NOTCH1: variants seen among roughly 807,000 people sequenced by gnomAD.
NOTCH1 encodes neurogenic locus notch homolog protein 1.
NOTCH1 carries 37 observed loss-of-function variants against 254.8 expected under a neutral mutation model. That is an observed-to-expected ratio of 0.15 (90% confidence interval 0.11 to 0.19). The LOEUF is 0.19. NOTCH1 is among the 10% of genes least tolerant of loss of function. The pLI, the probability that NOTCH1 is intolerant of heterozygous loss-of-function variation, is 1.00. For synonymous variants in NOTCH1, 1,731 were observed against 1,618.1 expected (o/e 1.07, Z -1.68); for missense variants, 2,972 against 3,708.6 (o/e 0.80, Z 5.16).
At chr9:136,520,921 C>G (rs945514552) in intron 4 of NOTCH1, among the ~76,000 whole-genome samples, 1 of 152,170 alleles carries the variant, frequency 6.6e-6, no homozygotes, top group Non-Finnish European at 1.5e-5. Context: ...CCCCGTGGAC[C>G]CCAGCTGGAC....
chr9:136,497,055 G>C lies in NOTCH1; in HGVS notation c.6684C>G (p.Ser2228=), dbSNP rs369358839. ...LLPSPFQQSP[S]VPLNHLPGMP... is the part of the protein sequence containing the mutation. ...TCCCAGGCAGGTGGTTGAGGGGCAC[G>C]GACGGAGACTGCTGGAACGGGGAGG... Residue 2228 remains serine, a synonymous_variant, in exon 34 of 34, where the codon TCC becomes TCG. Transcript: ENST00000651671. The C allele has an allele frequency of 6.2e-7, 1 of 1,609,388 alleles. No homozygotes were observed. Among genetic ancestry groups the C allele is most frequent in the African/African-American group, 1.3e-5 (1 of 74,980 alleles).
At chr9:136,542,544 C>CA (rs1174860714) in intron 2 of NOTCH1, among the ~76,000 whole-genome samples, 4,705 of 52,430 alleles carry the variant, frequency 0.09, 373 homozygotes, top group African/African-American at 0.24. Context: ...CCCCAAAAAG[C>CA]AAAAAAAAAA....
intron 15 of NOTCH1, among the ~76,000 whole-genome samples, chr9:136,512,058 A>G (rs1167589421): frequency 1.3e-5 from 2 of 152,194 alleles, no homozygotes; most frequent in African/African-American, 4.8e-5. Context: ...GGCAGGCAGG[A>G]ACTGCGCCAG....
chr9:136,515,959 G>C (rs558593808), intron 10 of NOTCH1, 22 bp downstream of exon 10: 3 of 1,583,046 alleles, frequency 1.9e-6, no homozygotes, highest in Non-Finnish European at 2.6e-6. Context: ...GTCCCTCCCC[G>C]CTGGTGGGCG....
intron 2 of NOTCH1, among the ~76,000 whole-genome samples, chr9:136,527,088 G>A (rs2133383988): frequency 6.6e-6 from 1 of 152,350 alleles, no homozygotes; most frequent in South Asian, 2.1e-4. Context: ...CCAGGTGTGG[G>A]GGTCTGTGTG....
chr9:136,515,905 G>T, intron 10 of NOTCH1, 76 bp downstream of exon 10: 2 of 1,298,476 alleles, frequency 1.5e-6, no homozygotes, highest in South Asian at 2.5e-5. Context: ...AGGTGTCCAT[G>T]ACCTTGTCAG....
Position 136,519,439 on chromosome 9 carries a change from G to A in NOTCH1, c.865+4C>T, listed in dbSNP as rs527248111. 20 of 1,612,742 alleles carry A rather than the reference G, an allele frequency of 1.2e-5. No homozygotes were observed. Among genetic ancestry groups the A allele is most frequent in the African/African-American group, 2.7e-5 (2 of 75,070 alleles). The stretch of plus-strand genomic sequence containing the variant: ...CCCCGCCCTGCGGCGACCCGTATAC[G>A]CGCCTGTCCACTCTGGCGGGCAGCG... On this transcript the variant is annotated splice_donor_region_variant and intron_variant, in intron 5 of 33. Coordinates refer to ENST00000651671, the MANE Select transcript of NOTCH1 (RefSeq NM_017617.5).
intron 1 of NOTCH1, 79 bp from the exon 2 acceptor site, chr9:136,544,181 G>A: frequency 7.6e-7 from 1 of 1,321,158 alleles, no homozygotes; most frequent in East Asian, 2.5e-5. Context: ...TGGGGGCGGG[G>A]ACCTGCACCC....
chr9:136,499,491 T>A (rs930193799), intron 31 of NOTCH1, among the ~76,000 whole-genome samples: 2 of 152,170 alleles, frequency 1.3e-5, no homozygotes, highest in African/African-American at 4.8e-5. Context: ...GACAGTGGGA[T>A]CCATCGTGAC....
At chr9:136,534,359 A>G (rs909433370) in intron 2 of NOTCH1, among the ~76,000 whole-genome samples, 3 of 152,210 alleles carry the variant, frequency 2.0e-5, no homozygotes, top group African/African-American at 7.2e-5. Flanking sequence ...ATGGACTCCG[A>G]GGCCAGGGGA....
At chr9:136,538,667 G>A (rs991976772) in intron 2 of NOTCH1, among the ~76,000 whole-genome samples, 4 of 152,228 alleles carry the variant, frequency 2.6e-5, no homozygotes, top group African/African-American at 4.8e-5. Context: ...GCACATGAAG[G>A]TGAAAGCTGA....
intron 2 of NOTCH1, among the ~76,000 whole-genome samples, chr9:136,534,607 T>C (rs1004159865): frequency 1.3e-5 from 2 of 152,138 alleles, no homozygotes; most frequent in Non-Finnish European, 2.9e-5. Flanking sequence ...GTGAGTGTTC[T>C]GTGGCCATTG....
chr9:136,513,820 A>C lies in NOTCH1; in HGVS notation c.2208-283T>G, dbSNP rs1843221387. Among the ~76,000 whole-genome samples, 1 of 152,200 alleles carries C rather than the reference A, an allele frequency of 6.6e-6. No homozygotes were observed. The highest frequency in any genetic ancestry group is 2.4e-5 in the African/African-American group (1 of 41,446). On this transcript the variant is annotated intron_variant, in intron 13 of 33. Transcript: ENST00000651671. The surrounding 1 kb of genome is among the most constrained non-coding windows in gnomAD (Gnocchi z 4.7). ...CATATATACTAAAAATACAAAAATTAGCCAGGTGTGGTGGCACATGCCTGT... is the reference window on the plus strand; with the variant it reads ...CATATATACTAAAAATACAAAAATTCGCCAGGTGTGGTGGCACATGCCTGT...
At chr9:136,512,917 C>CCT in intron 15 of NOTCH1, 104 bp downstream of exon 15, 1 of 417,912 alleles carries the variant, frequency 2.4e-6, no homozygotes, top group Admixed American at 2.8e-5. Context: ...GCCCCCACCC[C>CCT]TGGCCCCACC....
At chr9:136,499,064 G>A (rs2133322273) in intron 32 of NOTCH1, 48 bp downstream of exon 32, 1 of 1,612,678 alleles carries the variant, frequency 6.2e-7, no homozygotes, top group Non-Finnish European at 8.5e-7. Context: ...ACCCGTCCCT[G>A]TGGCGGTCCC....
intron 2 of NOTCH1, among the ~76,000 whole-genome samples, chr9:136,527,359 G>C (rs1047184048): frequency 2.0e-5 from 3 of 152,236 alleles, no homozygotes; most frequent in East Asian, 3.9e-4. Context: ...CCCGGTACCC[G>C]GGCCACTCTG....
At chr9:136,542,461 C>T (rs979177775) in intron 2 of NOTCH1, among the ~76,000 whole-genome samples, 3 of 146,472 alleles carry the variant, frequency 2.0e-5, no homozygotes, top group Non-Finnish European at 3.0e-5. Context: ...TCCCAGCTGT[C>T]GGTCTCTGAA....
chr9:136,528,571 G>C (rs919342549), intron 2 of NOTCH1, among the ~76,000 whole-genome samples: 39 of 150,958 alleles, frequency 2.6e-4, no homozygotes, highest in Non-Finnish European at 5.5e-4. Flanking sequence ...GGCAGGGACA[G>C]TGCGGGGGCC....
intron 2 of NOTCH1, among the ~76,000 whole-genome samples, chr9:136,525,850 TC>T (rs779350573): frequency 2.0e-5 from 3 of 152,170 alleles, no homozygotes; most frequent in Non-Finnish European, 4.4e-5. Flanking sequence ...GCATCTGTCT[TC>T]CCCGAAGGCT....
Sources: gnomAD v4.1 joint callset for allele counts (sites outside exome capture counted in the v4.1 genomes callset) on GRCh38, gnomAD v4.1.1 for gene constraint, Gnocchi (gnomAD v3.1) non-coding constraint, MANE v1.5 for transcripts, NCBI Gene and HGNC (gene_info 2026-07-23, HGNC 2026-07-21) for gene names.